The following TRRAP variants were observed in gnomAD, a reference collection of about 807,000 sequenced individuals.
TRRAP encodes the protein transformation/transcription domain-associated protein.
In TRRAP, 41 loss-of-function variants were observed where a neutral mutation model predicts 438.8. The ratio of observed to expected loss-of-function variants is 0.09; its 90% CI spans 0.07 to 0.12. The LOEUF is 0.12. Among genes scored for constraint, TRRAP ranks in the 10% least tolerant of loss-of-function variants. The probability of loss-of-function intolerance (pLI) is 1.00; values close to 1 mark genes in which losing one functional copy is unlikely to be tolerated. For missense variants in TRRAP, 3,122 were observed against 5,055.1 expected (o/e 0.62, Z 11.60); for synonymous variants, 1,994 against 1,962.9 (o/e 1.02, Z -0.42).
At chr7:99,008,153 G>T (rs1180902585) in intron 69 of TRRAP, among the ~76,000 whole-genome samples, 2 of 152,178 alleles carry the variant, frequency 1.3e-5, no homozygotes, top group Non-Finnish European at 2.9e-5. Context: ...GCCTTCTAAA[G>T]CATTTCTGTT....
intron 31 of TRRAP, among the ~76,000 whole-genome samples, chr7:98,944,205 T>C (rs1429299872): frequency 1.3e-5 from 2 of 152,184 alleles, no homozygotes; most frequent in African/African-American, 4.8e-5. Context: ...TTAGGTACTT[T>C]TGCTTTACAT....
chr7:98,913,701 G>A (rs1472017048), intron 18 of TRRAP, among the ~76,000 whole-genome samples: 1 of 152,080 alleles, frequency 6.6e-6, no homozygotes. Context: ...TGATCAGTCT[G>A]TGCTTCTTTA....
At chr7:98,879,206 G>A (rs1394206043) in intron 1 of TRRAP, among the ~76,000 whole-genome samples, 3 of 152,130 alleles carry the variant, frequency 2.0e-5, no homozygotes, top group African/African-American at 7.2e-5. Context: ...AGCCCGGCCT[G>A]GGCCTTCGGC....
At chr7:98,896,461 G>A (rs1033273704) in intron 7 of TRRAP, among the ~76,000 whole-genome samples, 1 of 152,202 alleles carries the variant, frequency 6.6e-6, no homozygotes, top group East Asian at 1.9e-4. Flanking sequence ...CCAGGCTGGA[G>A]TATAGTGGCG....
At chr7:98,942,691 A>G (rs1790851645) in intron 30 of TRRAP, among the ~76,000 whole-genome samples, 1 of 152,358 alleles carries the variant, frequency 6.6e-6, no homozygotes, top group South Asian at 2.1e-4. Context: ...AACAGGAAGT[A>G]AAATGGCAGG....
intron 3 of TRRAP, among the ~76,000 whole-genome samples, chr7:98,885,408 T>C (rs570249134): frequency 7.6e-4 from 115 of 152,240 alleles, no homozygotes; most frequent in African/African-American, 2.6e-3. Flanking sequence ...AATATGAGGA[T>C]AATAGTCTTA....
At chr7:98,940,709 C>T (rs544480720) in intron 30 of TRRAP, among the ~76,000 whole-genome samples, 30 of 152,328 alleles carry the variant, frequency 2.0e-4, no homozygotes, top group Admixed American at 5.2e-4. Context: ...TGCATCCAGA[C>T]GTTTTCATCC....
chr7:98,983,498 T>C, intron 60 of TRRAP, 39 bp downstream of exon 60: 1 of 1,610,814 alleles, frequency 6.2e-7, no homozygotes, highest in East Asian at 2.2e-5. Context: ...ATCATGTAAT[T>C]TTCCAGACGC....
At chr7:98,952,753 G>A (rs193012299) in intron 39 of TRRAP, among the ~76,000 whole-genome samples, 1 of 152,190 alleles carries the variant, frequency 6.6e-6, no homozygotes. Flanking sequence ...GGTAGGGGAA[G>A]AGTCAGTTCT....
At chr7:98,881,731 A>G in intron 2 of TRRAP, 1 of 454,778 alleles carries the variant, frequency 2.2e-6, no homozygotes. Context: ...CTGGAGCCCC[A>G]AAGAGGCACG....
At chr7:98,986,320 C>T (rs1411825492) in intron 62 of TRRAP, among the ~76,000 whole-genome samples, 1 of 152,190 alleles carries the variant, frequency 6.6e-6, no homozygotes, top group Admixed American at 6.5e-5. Context: ...ATATCTGGGT[C>T]ATATTGTACT....
intron 47 of TRRAP, among the ~76,000 whole-genome samples, chr7:98,963,546 A>C (rs1302630423): frequency 6.6e-6 from 1 of 152,176 alleles, no homozygotes; most frequent in African/African-American, 2.4e-5. Flanking sequence ...CGTCGTCCCC[A>C]TGCCGGATCT....
At chr7:99,008,702 C>A in intron 70 of TRRAP, 141 bp downstream of exon 70, 1 of 916,682 alleles carries the variant, frequency 1.1e-6, no homozygotes, top group Non-Finnish European at 1.6e-6. Context: ...CTTTATTAGA[C>A]TCATGAGATG....
chr7:98,946,428 T>C (rs1462380522), intron 33 of TRRAP, among the ~76,000 whole-genome samples: 2 of 151,484 alleles, frequency 1.3e-5, no homozygotes, highest in African/African-American at 4.9e-5. Flanking sequence ...ACACCACACA[T>C]GCACACACAC....
At chr7:98,933,081 C>T (rs1790398754) in intron 26 of TRRAP, among the ~76,000 whole-genome samples, 160 bp from the exon 27 acceptor site, 1 of 151,656 alleles carries the variant, frequency 6.6e-6, no homozygotes, top group Admixed American at 6.6e-5. Context: ...TTACATGCCT[C>T]TCCACGACCG....
chr7:99,004,752 G>T (rs1012569095), intron 68 of TRRAP, among the ~76,000 whole-genome samples: 1 of 152,190 alleles, frequency 6.6e-6, no homozygotes, highest in Non-Finnish European at 1.5e-5. Context: ...CCTAGAGTGT[G>T]CTGCATCTCA....
chr7:98,912,678 T>C (rs1224314369), intron 18 of TRRAP, among the ~76,000 whole-genome samples: 1 of 152,188 alleles, frequency 6.6e-6, no homozygotes, highest in Non-Finnish European at 1.5e-5. Flanking sequence ...GATGGTTCTA[T>C]TTTTAAAAAT....
At chr7:98,993,786 G>C (rs1399060665) in intron 66 of TRRAP, 49 bp downstream of exon 66, 1 of 1,585,004 alleles carries the variant, frequency 6.3e-7, no homozygotes, top group Non-Finnish European at 8.7e-7. Flanking sequence ...GAGGGGACGT[G>C]GTGTTCTGTA....
chr7:98,887,230 G>C (rs1795753653), intron 3 of TRRAP, among the ~76,000 whole-genome samples: 1 of 152,126 alleles, frequency 6.6e-6, no homozygotes, highest in Non-Finnish European at 1.5e-5. Flanking sequence ...AGCCCTACTA[G>C]AGACATTTGA....
Sources: gnomAD v4.1 joint callset for allele counts (sites outside exome capture counted in the v4.1 genomes callset) on GRCh38, gnomAD v4.1.1 for gene constraint, MANE v1.5 for transcripts, NCBI Gene and HGNC (gene_info 2026-07-23, HGNC 2026-07-21) for gene names.